Variants in CRTAM observed in about 807,000 individuals in gnomAD.
CRTAM encodes the protein cytotoxic and regulatory T-cell molecule.
A neutral mutation model predicts 50.0 loss-of-function variants in CRTAM; 44 were observed. That is an observed-to-expected ratio of 0.88 (90% CI 0.69 to 1.13). The LOEUF (loss-of-function observed/expected upper bound fraction) is 1.13, where lower values mean the gene tolerates loss of function less well. Among genes scored for constraint, CRTAM ranks in the 50% most tolerant of loss-of-function variants. CRTAM has a pLI of 0.00. For synonymous variants in CRTAM, 159 were observed against 169.3 expected, an observed-to-expected ratio of 0.94 and a Z score of 0.47; for missense variants, 448 against 457.5, an observed-to-expected ratio of 0.98 and a Z score of 0.19.
rs547095462 is a variant in CRTAM, at chr11:122,852,284, G to A, written c.346+439G>A. ...CTAAGATAGAATGAATTCAGATGTA[G>A]CTGCACTGCTTGATCTGCTCAAATC... On this transcript the variant is annotated intron_variant, in intron 3 of 9. Coordinates refer to ENST00000227348, the MANE Select transcript of CRTAM (RefSeq NM_019604.4). Among the ~76,000 whole-genome samples, 13 of 152,252 alleles carry A rather than the reference G, an allele frequency of 8.5e-5. No homozygotes were observed. In the South Asian group the frequency reaches 2.3e-3, roughly 27 times the overall value.
At chr11:122,869,877 C>T (rs1056909146) in intron 9 of CRTAM, among the ~76,000 whole-genome samples, 1 of 152,106 alleles carries the variant, frequency 6.6e-6, no homozygotes, top group Non-Finnish European at 1.5e-5. Context: ...ACATCCAAGT[C>T]GATTGTGTTG....
chr11:122,850,065 C>CA lies in CRTAM; in HGVS notation c.47-2dup. The CA allele has an allele frequency of 6.2e-7, 1 of 1,601,106 alleles. No homozygotes were observed. Among genetic ancestry groups the CA allele is most frequent in the Non-Finnish European group, 8.5e-7 (1 of 1,171,566 alleles). ...GATCATCCCCATTTCTCTTCCTCCA[C>CA]AGAGGCCTCTCTGACTAACCACACA... On this transcript the variant is annotated splice_polypyrimidine_tract_variant and splice_region_variant and intron_variant, in intron 1 of 9. Transcript: ENST00000227348.
intron 6 of CRTAM, among the ~76,000 whole-genome samples, chr11:122,864,201 C>T (rs1862138397): frequency 6.6e-6 from 1 of 152,116 alleles, no homozygotes; most frequent in Admixed American, 6.5e-5. Context: ...ATCCTAAAGA[C>T]CTTCTCCCTA....
At chr11:122,843,275 A>G (rs1861821903) in intron 1 of CRTAM, among the ~76,000 whole-genome samples, 1 of 152,204 alleles carries the variant, frequency 6.6e-6, no homozygotes, top group South Asian at 2.1e-4. Flanking sequence ...CACAGGTTCC[A>G]TTTCCATATA....
At chr11:122,868,434 A>G (rs1267480717) in intron 9 of CRTAM, among the ~76,000 whole-genome samples, 1 of 152,054 alleles carries the variant, frequency 6.6e-6, no homozygotes, top group Non-Finnish European at 1.5e-5. Flanking sequence ...TTCTGCTGCC[A>G]GGAGAGAGGA....
chr11:122,842,267 A>G (rs1251861536), intron 1 of CRTAM, among the ~76,000 whole-genome samples: 2 of 151,932 alleles, frequency 1.3e-5, no homozygotes, highest in Non-Finnish European at 2.9e-5. Flanking sequence ...CATGGGTTAT[A>G]TGTTTGTTTG....
intron 5 of CRTAM, among the ~76,000 whole-genome samples, chr11:122,859,843 T>G (rs1862050488): frequency 6.6e-6 from 1 of 152,188 alleles, no homozygotes; most frequent in Admixed American, 6.5e-5. Flanking sequence ...TTTTCTAACA[T>G]TATGTTTTAG....
At position 122,855,734 on chromosome 11, in the gene CRTAM, G is replaced by T; in HGVS notation, c.530G>T (p.Cys177Phe). ...LHEFETDGKK[C>F]NTTSTLIIHT... ...GAATTTGAAACTGATGGGAAGAAAT[G>T]TAATACTACCAGCACTCTCATAATC... Residue 177 changes from cysteine (C) to phenylalanine (F), a missense_variant, in exon 5 of 10, where the codon TGT (cysteine) becomes TTT (phenylalanine). Transcript: ENST00000227348. The T allele has an allele frequency of 1.2e-6, 2 of 1,614,112 alleles. No homozygotes were observed. Among genetic ancestry groups the T allele is most frequent in the Non-Finnish European group, 1.7e-6 (2 of 1,179,968 alleles).
At chr11:122,846,544 C>T (rs1403702250) in intron 1 of CRTAM, among the ~76,000 whole-genome samples, 2 of 152,096 alleles carry the variant, frequency 1.3e-5, no homozygotes, top group African/African-American at 2.4e-5. Flanking sequence ...TCACTTCGGC[C>T]TCCCAAAGTA....
intron 2 of CRTAM, among the ~76,000 whole-genome samples, chr11:122,850,969 C>T (rs1861922124): frequency 1.3e-5 from 2 of 152,184 alleles, no homozygotes; most frequent in African/African-American, 4.8e-5. Flanking sequence ...CCTCTTAAAG[C>T]ATATCATGCT....
intron 5 of CRTAM, among the ~76,000 whole-genome samples, chr11:122,861,172 ATTCT>A (rs1387486906): frequency 6.6e-6 from 1 of 151,480 alleles, no homozygotes; most frequent in East Asian, 1.9e-4. Flanking sequence ...TTCCTTAGTA[ATTCT>A]TTCTTTCCTC....
intron 1 of CRTAM, among the ~76,000 whole-genome samples, chr11:122,843,551 G>A (rs1374449080): frequency 6.6e-6 from 1 of 152,208 alleles, no homozygotes; most frequent in African/African-American, 2.4e-5. Context: ...ATAGGACTAG[G>A]AAGTAGGTGT....
At chr11:122,851,665 A>G (rs749396190) in intron 2 of CRTAM, 28 bp from the exon 3 acceptor site, 3 of 1,611,956 alleles carry the variant, frequency 1.9e-6, no homozygotes, top group Non-Finnish European at 1.7e-6. Flanking sequence ...ATCTTTCCTC[A>G]TAACAGCTCT....
chr11:122,866,412 T>C (rs1862175295), intron 7 of CRTAM, among the ~76,000 whole-genome samples: 1 of 152,096 alleles, frequency 6.6e-6, no homozygotes, highest in Non-Finnish European at 1.5e-5. Context: ...TATCTTACTT[T>C]TGTTTGTTTT....
chr11:122,862,670 C>T (rs938387943), intron 6 of CRTAM, 126 bp downstream of exon 6: 2 of 624,290 alleles, frequency 3.2e-6, no homozygotes, highest in Non-Finnish European at 5.6e-6. Context: ...ACAGGCCCCT[C>T]CAACTGGCTC....
chr11:122,847,412 C>G (rs1861879185), intron 1 of CRTAM, among the ~76,000 whole-genome samples: 1 of 152,192 alleles, frequency 6.6e-6, no homozygotes, highest in African/African-American at 2.4e-5. Context: ...AGCTTGAACC[C>G]TCACTCCAAA....
intron 6 of CRTAM, among the ~76,000 whole-genome samples, chr11:122,862,759 C>T (rs1228896929): frequency 2.6e-5 from 4 of 152,182 alleles, no homozygotes; most frequent in Non-Finnish European, 2.9e-5. Flanking sequence ...TGACATAAAG[C>T]TTTGCAAGTT....
chr11:122,860,454 TA>T lies in CRTAM; in HGVS notation c.653-2009del, dbSNP rs145414160. Among the ~76,000 whole-genome samples, 476 of 152,302 alleles carry T rather than the reference TA, an allele frequency of 3.1e-3. 6 individuals carry two copies. The South Asian group carries it at 0.058, about 18-fold the overall frequency. On this transcript the variant is annotated intron_variant, in intron 5 of 9. Transcript: ENST00000227348. ...AGAGGTCTACAATATTCTGACCAAC[TA>T]GGGGGGTAGATCATCATGTGCCAGT...
At chr11:122,857,074 C>T (rs554248141) in intron 5 of CRTAM, among the ~76,000 whole-genome samples, 10 of 152,292 alleles carry the variant, frequency 6.6e-5, no homozygotes, top group Non-Finnish European at 1.5e-4. Context: ...AGCAATTGTT[C>T]AAGCCATCTA....
Sources: gnomAD v4.1 joint callset for allele counts (sites outside exome capture counted in the v4.1 genomes callset) on GRCh38, gnomAD v4.1.1 for gene constraint, MANE v1.5 for transcripts, NCBI Gene and HGNC (gene_info 2026-07-23, HGNC 2026-07-21) for gene names.